ST6GALNAC3: variants seen among roughly 807,000 people sequenced by gnomAD.
ST6GALNAC3 encodes ST6 N-acetylgalactosaminide alpha-2,6-sialyltransferase 3.
ST6GALNAC3 carries 25 observed loss-of-function variants against 32.7 expected under a neutral mutation model. The observed-to-expected ratio is 0.76, with a 90% CI of 0.56 to 1.07. The LOEUF is 1.07. Among genes scored for constraint, ST6GALNAC3 ranks in the 50% least tolerant of loss-of-function variants. ST6GALNAC3 has a pLI of 0.00. For missense variants in ST6GALNAC3, 355 were observed against 382.4 expected (o/e 0.93, Z 0.60); for synonymous variants, 129 against 133.1 (o/e 0.97, Z 0.21).
intron 3 of ST6GALNAC3, among the ~76,000 whole-genome samples, chr1:76,439,987 G>A (rs1358874140): frequency 1.3e-5 from 2 of 152,192 alleles, no homozygotes; most frequent in African/African-American, 2.4e-5. Context: ...TGTTATAAAC[G>A]TGTTTACGTA....
chr1:76,457,293 G>A (rs1450023738), intron 3 of ST6GALNAC3, among the ~76,000 whole-genome samples: 1 of 152,110 alleles, frequency 6.6e-6, no homozygotes, highest in African/African-American at 2.4e-5. Context: ...GTAATTTACA[G>A]ATTCAATGCC....
intron 3 of ST6GALNAC3, among the ~76,000 whole-genome samples, chr1:76,491,916 C>G (rs1660524335): frequency 6.6e-6 from 1 of 152,214 alleles, no homozygotes; most frequent in African/African-American, 2.4e-5. Flanking sequence ...TCAAGTCCTA[C>G]AGGCTGGCCT....
At chr1:76,366,548 C>G (rs1240313716) in intron 2 of ST6GALNAC3, among the ~76,000 whole-genome samples, 1 of 152,124 alleles carries the variant, frequency 6.6e-6, no homozygotes, top group Non-Finnish European at 1.5e-5. Flanking sequence ...GTTCTAAGTC[C>G]TTTTCTATTT....
chr1:76,589,617 T>A (rs759179448), intron 3 of ST6GALNAC3, among the ~76,000 whole-genome samples: 1 of 152,066 alleles, frequency 6.6e-6, no homozygotes, highest in African/African-American at 2.4e-5. Flanking sequence ...TGATGCAACA[T>A]GTCAGGTGGG....
chr1:76,159,174 G>C (rs1651659538), intron 1 of ST6GALNAC3, among the ~76,000 whole-genome samples: 2 of 151,616 alleles, frequency 1.3e-5, no homozygotes, highest in South Asian at 4.2e-4. Flanking sequence ...TAGGCCTCTA[G>C]TCCTTTCCTT....
chr1:76,205,014 C>G (rs1312388642), intron 1 of ST6GALNAC3, among the ~76,000 whole-genome samples: 1 of 152,212 alleles, frequency 6.6e-6, no homozygotes, highest in African/African-American at 2.4e-5. Flanking sequence ...TTCCCTTCCA[C>G]TGCTGTTATT....
intron 1 of ST6GALNAC3, among the ~76,000 whole-genome samples, chr1:76,227,587 A>T (rs1656145925): frequency 6.6e-6 from 1 of 152,186 alleles, no homozygotes; most frequent in Non-Finnish European, 1.5e-5. Context: ...ATAAATGCAA[A>T]TGTGTTATTG....
intron 1 of ST6GALNAC3, among the ~76,000 whole-genome samples, chr1:76,149,709 A>T (rs1650922181): frequency 6.6e-6 from 1 of 151,412 alleles, no homozygotes; most frequent in African/African-American, 2.5e-5. Flanking sequence ...GTGTATTCAT[A>T]TTTCTGTATT....
intron 1 of ST6GALNAC3, among the ~76,000 whole-genome samples, chr1:76,241,386 T>A (rs865890134): frequency 6.6e-6 from 1 of 152,054 alleles, no homozygotes; most frequent in Non-Finnish European, 1.5e-5. Flanking sequence ...TGTGCAGAGA[T>A]CACATAGTGA....
intron 2 of ST6GALNAC3, among the ~76,000 whole-genome samples, chr1:76,342,628 C>A (rs566480447): frequency 9.3e-5 from 14 of 150,246 alleles, no homozygotes; most frequent in Non-Finnish European, 1.5e-4. Context: ...GGATAGATTG[C>A]AGAAATTTTC....
chr1:76,504,158 G>A (rs1455809620), intron 3 of ST6GALNAC3, among the ~76,000 whole-genome samples: 1 of 152,142 alleles, frequency 6.6e-6, no homozygotes, highest in Non-Finnish European at 1.5e-5. Context: ...GAGGCTCTGA[G>A]AGGCAATGTG....
At position 76,629,316 on chromosome 1, in the gene ST6GALNAC3, G is replaced by C. The variant is rs540211632; in HGVS notation, c.*510G>C. ...ATCTTACTACTTAGCCTAAGGATGG[G>C]AAAATATCTCTTCCTAATATACCAT... is the stretch of plus-strand genomic sequence containing the variant. On this transcript the variant is annotated 3_prime_UTR_variant, in exon 5 of 5. Coordinates refer to ENST00000328299, the MANE Select transcript of ST6GALNAC3 (RefSeq NM_152996.4). 25 of 985,768 alleles carry C rather than the reference G, an allele frequency of 2.5e-5. No homozygotes were observed. The highest frequency in any genetic ancestry group is 2.9e-5 in the Non-Finnish European group (24 of 830,338). The allele number at this position is 985,768 out of a possible 1,614,324, so 61.1% of individuals were successfully genotyped here.
intron 1 of ST6GALNAC3, chr1:76,142,804 C>G (rs1339061298): frequency 2.2e-5 from 10 of 450,478 alleles, no homozygotes; most frequent in Non-Finnish European, 4.4e-5. Context: ...GGCCCCGCTT[C>G]CTTGTCTTGA....
chr1:76,185,456 A>G (rs1354371350), intron 1 of ST6GALNAC3, among the ~76,000 whole-genome samples: 1 of 152,182 alleles, frequency 6.6e-6, no homozygotes, highest in East Asian at 1.9e-4. Context: ...CATAGTCAGC[A>G]CTCAATGAAC....
At chr1:76,434,870 A>G (rs1571218674) in intron 3 of ST6GALNAC3, among the ~76,000 whole-genome samples, 1 of 142,268 alleles carries the variant, frequency 7.0e-6, no homozygotes, top group East Asian at 2.0e-4. Context: ...GGCTCACTGC[A>G]ACCTCTGCCT....
At chr1:76,430,753 T>G (rs1655695649) in intron 3 of ST6GALNAC3, among the ~76,000 whole-genome samples, 1 of 152,204 alleles carries the variant, frequency 6.6e-6, no homozygotes, top group South Asian at 2.1e-4. Context: ...CCCTCAAGGC[T>G]GTTTTTTCAT....
At chr1:76,225,904 T>C (rs537049311) in intron 1 of ST6GALNAC3, among the ~76,000 whole-genome samples, 10 of 152,302 alleles carry the variant, frequency 6.6e-5, no homozygotes, top group Non-Finnish European at 1.5e-4. Context: ...TTCACTGGAC[T>C]TCACCCATTC....
At chr1:76,607,130 T>G (rs1338512729) in intron 3 of ST6GALNAC3, among the ~76,000 whole-genome samples, 1 of 152,188 alleles carries the variant, frequency 6.6e-6, no homozygotes, top group Non-Finnish European at 1.5e-5. Context: ...GAAAGCAGTT[T>G]ATTCACCATT....
chr1:76,520,686 A>T (rs1662473024), intron 3 of ST6GALNAC3, among the ~76,000 whole-genome samples: 1 of 151,908 alleles, frequency 6.6e-6, no homozygotes, highest in South Asian at 2.1e-4. Context: ...TTGCATTGAG[A>T]TTTAGAATTG....
Sources: gnomAD v4.1 joint callset for allele counts (sites outside exome capture counted in the v4.1 genomes callset) on GRCh38, gnomAD v4.1.1 for gene constraint, MANE v1.5 for transcripts, NCBI Gene and HGNC (gene_info 2026-07-23, HGNC 2026-07-21) for gene names.